Variants in CNTNAP3 observed in about 807,000 individuals in gnomAD.
CNTNAP3 encodes contactin-associated protein-like 3.
Under a neutral mutation model 92.1 loss-of-function variants are expected in CNTNAP3, and 36 were observed. The observed-to-expected ratio is 0.39, with a 90% CI of 0.30 to 0.52. The LOEUF (loss-of-function observed/expected upper bound fraction) is 0.52. CNTNAP3 is among the 20% of genes least tolerant of loss of function. The pLI, the probability that CNTNAP3 is intolerant of heterozygous loss-of-function variation, is 0.76. For missense variants in CNTNAP3, 534 were observed against 1,069.6 expected (o/e 0.50, Z 6.98); for synonymous variants, 232 against 422.3 (o/e 0.55, Z 5.53).
In CNTNAP3 at chr9:39,284,419, C is replaced by T. The variant is rs1823020569; in HGVS notation, c.85+3561G>A. On this transcript the variant is annotated intron_variant, in intron 1 of 23. Coordinates refer to ENST00000297668, the MANE Select transcript of CNTNAP3 (RefSeq NM_033655.5). ...GCCTCCCCACTACCCAGCATGGATG[C>T]CTAAGCTGAACTGAATGACCTTGGA... 3.7e-5 allele frequency among the ~76,000 whole-genome samples: 2 copies of T among 54,060 alleles called. 1 individual carries two copies. The highest frequency in any genetic ancestry group is 1.4e-3 in the South Asian group (2 of 1,468). 35.5% of individuals were successfully genotyped at this position (54,060 alleles called of 152,430 possible).
At chr9:39,115,043 T>C (rs1431751374) in intron 14 of CNTNAP3, among the ~76,000 whole-genome samples, 1 of 151,640 alleles carries the variant, frequency 6.6e-6, no homozygotes, top group African/African-American at 2.4e-5. Flanking sequence ...ATCTTTGGCA[T>C]GTTATAGTTA....
At position 39,149,912 on chromosome 9, in the gene CNTNAP3, T is replaced by G; in HGVS notation, c.1543A>C (p.Arg515=). ...GCTTTGTCACCAATGGTGATGAGCC[T>G]TAGGCAGCCCTGAAACCCTCCCAGG... The part of the protein sequence containing the change: ...SPLGGFQGCL[R]LITIGDKAVD... Residue 515 remains arginine (R), a synonymous_variant, in exon 10 of 24, where the codon AGG becomes CGG. Coordinates refer to ENST00000297668, the MANE Select transcript of CNTNAP3 (RefSeq NM_033655.5). The G allele has an allele frequency of 1.2e-6, 2 of 1,611,222 alleles. No individual in the cohort carries two copies. Among genetic ancestry groups the G allele is most frequent in the Non-Finnish European group, 1.7e-6 (2 of 1,179,592 alleles).
chr9:39,104,477 TACACACACACAC>T (rs60068368), intron 15 of CNTNAP3, among the ~76,000 whole-genome samples: 3,612 of 123,174 alleles, frequency 0.029, 66 homozygotes, highest in Non-Finnish European at 0.043. Flanking sequence ...CACATACACA[TACACACACACAC>T]ACACACACAC....
intron 23 of CNTNAP3, among the ~76,000 whole-genome samples, chr9:39,074,455 G>A (rs1354380818): frequency 2.0e-5 from 3 of 149,550 alleles, no homozygotes; most frequent in Non-Finnish European, 4.4e-5. Flanking sequence ...CCAAAACTCA[G>A]AAATGCTGAG....
intron 14 of CNTNAP3, among the ~76,000 whole-genome samples, chr9:39,117,681 T>C (rs1820891444): frequency 6.6e-6 from 1 of 152,194 alleles, no homozygotes. Context: ...TCAGAGTTTC[T>C]TGTGTTAATG....
intron 12 of CNTNAP3, among the ~76,000 whole-genome samples, chr9:39,134,599 AT>A (rs1168877624): frequency 6.6e-6 from 1 of 151,808 alleles, no homozygotes; most frequent in Non-Finnish European, 1.5e-5. Context: ...TAATTTTTGT[AT>A]TTTTTTAGTA....
At chr9:39,131,879 G>A (rs1293774261) in intron 13 of CNTNAP3, among the ~76,000 whole-genome samples, 1 of 150,364 alleles carries the variant, frequency 6.7e-6, no homozygotes, top group Admixed American at 6.6e-5. Flanking sequence ...ACAGATTAGG[G>A]AAGGCAATGC....
chr9:39,104,681 T>C (rs1358008358), intron 15 of CNTNAP3, among the ~76,000 whole-genome samples: 2 of 152,144 alleles, frequency 1.3e-5, no homozygotes, highest in East Asian at 3.8e-4. Context: ...TTCTTATCTT[T>C]TGTGTACTTT....
At position 39,071,910 on chromosome 9, in the gene CNTNAP3, C is replaced by T. The variant is rs1227669532; in HGVS notation, c.*1980G>A. ...GTGATACATAAACCAATACAGAATACATTTGTCTGCACATTTTTGCATAAA... is the reference window on the plus strand; with the variant it reads ...GTGATACATAAACCAATACAGAATATATTTGTCTGCACATTTTTGCATAAA... On this transcript the variant is annotated 3_prime_UTR_variant, in exon 24 of 24. Coordinates refer to ENST00000297668, the MANE Select transcript of CNTNAP3 (RefSeq NM_033655.5). Among the ~76,000 whole-genome samples the T allele has an allele frequency of 1.3e-4, 15 of 119,856 alleles. No individual in the cohort carries two copies. Among genetic ancestry groups the T allele is most frequent in the South Asian group, 6.2e-4 (2 of 3,234 alleles). The allele number at this position is 119,856 out of a possible 152,430, so 78.6% of individuals were successfully genotyped here. A position where few individuals can be genotyped will look rare whatever the true frequency, so the allele number is the denominator to read the frequency against.
chr9:39,130,695 G>T (rs1821266143), intron 13 of CNTNAP3, among the ~76,000 whole-genome samples: 1 of 151,882 alleles, frequency 6.6e-6, no homozygotes, highest in Non-Finnish European at 1.5e-5. Context: ...TAGTAGAGAC[G>T]GTGTTTCATC....
At chr9:39,079,833 C>A (rs1407405468) in intron 21 of CNTNAP3, among the ~76,000 whole-genome samples, 1 of 136,272 alleles carries the variant, frequency 7.3e-6, no homozygotes, top group Non-Finnish European at 1.5e-5. Context: ...CAACTTTCCC[C>A]CATTCCCAAC....
intron 9 of CNTNAP3, among the ~76,000 whole-genome samples, chr9:39,157,626 G>A (rs1372127971): frequency 6.8e-5 from 3 of 43,954 alleles, no homozygotes; most frequent in South Asian, 1.0e-3. Context: ...GATTACAGGC[G>A]TGAGCCACTG....
chr9:39,093,264 GTTTCA>G lies in CNTNAP3; in HGVS notation c.2996-4622_2996-4618del, dbSNP rs1826250870. On this transcript the variant is annotated intron_variant, in intron 18 of 23. Transcript: ENST00000297668. ...CCATTTTCTTTTTCTTTTTCTATGT[GTTTCA>G]TTTGTTTTCTTTTCACTTTCCTTCT... 2.1e-5 allele frequency among the ~76,000 whole-genome samples: 3 copies of G among 140,250 alleles called. No homozygotes were observed. In the South Asian group the frequency reaches 7.1e-4, roughly 33 times the overall value. The allele number at this position is 140,250 out of a possible 152,430, so 92.0% of individuals were successfully genotyped here.
At position 39,142,070 on chromosome 9, in the gene CNTNAP3, T is replaced by C. The variant is rs181728882; in HGVS notation, c.1757-1432A>G. 9.8e-5 allele frequency among the ~76,000 whole-genome samples: 15 copies of C among 152,298 alleles called. 1 individual carries two copies. The highest frequency in any genetic ancestry group is 2.1e-4 in the Non-Finnish European group (14 of 68,016). ...TATTAGATGAGACTGACACTTGAAA[T>C]ACTTTTTCAATCTCCTGATATTTTC... is the stretch of plus-strand genomic sequence containing the variant. On this transcript the variant is annotated intron_variant, in intron 11 of 23. Transcript: ENST00000297668.
chr9:39,136,253 C>T (rs1375344983), intron 12 of CNTNAP3, among the ~76,000 whole-genome samples: 3 of 151,994 alleles, frequency 2.0e-5, no homozygotes, highest in East Asian at 1.9e-4. Flanking sequence ...CCATTGTAAA[C>T]GGGGATTGTC....
intron 13 of CNTNAP3, among the ~76,000 whole-genome samples, chr9:39,131,491 C>T (rs1821292472): frequency 6.6e-6 from 1 of 151,454 alleles, no homozygotes; most frequent in Non-Finnish European, 1.5e-5. Flanking sequence ...GGGAAGGGAC[C>T]CAGATGCCGA....
intron 21 of CNTNAP3, chr9:39,084,828 G>C (rs1012038020): frequency 2.6e-5 from 4 of 151,694 alleles, no homozygotes; most frequent in African/African-American, 9.7e-5. Context: ...TCCAAGGACA[G>C]GCAAAATGAA....
At chr9:39,087,205 T>C (rs1826079816) in intron 19 of CNTNAP3, among the ~76,000 whole-genome samples, 1 of 152,236 alleles carries the variant, frequency 6.6e-6, no homozygotes, top group Non-Finnish European at 1.5e-5. Context: ...GATGAAACTC[T>C]ATGCAATATT....
intron 15 of CNTNAP3, among the ~76,000 whole-genome samples, chr9:39,107,240 G>GGAAA (rs971228009): frequency 6.8e-6 from 1 of 147,472 alleles, no homozygotes; most frequent in Non-Finnish European, 1.5e-5. Context: ...AAAGAAGACA[G>GGAAA]GAAAGAAAGA....
Sources: allele counts gnomAD v4.1 joint callset (sites outside exome capture counted in the v4.1 genomes callset), GRCh38; gene constraint gnomAD v4.1.1; transcripts MANE v1.5; gene names NCBI Gene and HGNC (gene_info 2026-07-23, HGNC 2026-07-21).